Variants in LRMDA observed in about 807,000 individuals in gnomAD.
The protein encoded by LRMDA is leucine-rich melanocyte differentiation-associated protein.
Under a neutral mutation model 29.8 loss-of-function variants are expected in LRMDA, and 18 were observed. The observed-to-expected ratio is 0.60, with a 90% CI of 0.42 to 0.90. LRMDA has a LOEUF of 0.90. Ranked by LOEUF, LRMDA falls within the 40% of genes least tolerant of loss-of-function variation. The pLI, the probability that LRMDA is intolerant of heterozygous loss-of-function variation, is 0.00. For missense variants in LRMDA, 273 were observed against 273.9 expected (o/e 1.00, Z 0.02); for synonymous variants, 125 against 109.4 (o/e 1.14, Z -0.89).
chr10:76,458,281 C>G (rs75595700), intron 6 of LRMDA, among the ~76,000 whole-genome samples: 2,934 of 152,262 alleles, frequency 0.019, 100 homozygotes, highest in African/African-American at 0.065. Context: ...CAATAAATCT[C>G]TGAACCTGAA....
intron 5 of LRMDA, among the ~76,000 whole-genome samples, chr10:76,209,964 G>T (rs1851606524): frequency 1.3e-5 from 2 of 152,142 alleles, no homozygotes; most frequent in African/African-American, 2.4e-5. Flanking sequence ...TGAATGAACT[G>T]GGAAAAGGCA....
intron 5 of LRMDA, among the ~76,000 whole-genome samples, chr10:76,091,295 G>A (rs962133883): frequency 1.1e-4 from 16 of 151,854 alleles, no homozygotes; most frequent in African/African-American, 2.4e-4. Flanking sequence ...GTGTGTGTGT[G>A]TGTGTGTGTG....
chr10:76,050,384 C>T (rs1848510915), intron 4 of LRMDA, among the ~76,000 whole-genome samples: 1 of 152,214 alleles, frequency 6.6e-6, no homozygotes, highest in African/African-American at 2.4e-5. Flanking sequence ...AAAACAGGCT[C>T]ATTAAATTTA....
chr10:76,168,913 G>C (rs991256074), intron 5 of LRMDA, among the ~76,000 whole-genome samples: 1 of 152,164 alleles, frequency 6.6e-6, no homozygotes, highest in African/African-American at 2.4e-5. Context: ...AAGCCAATAA[G>C]TAAGACAGAA....
chr10:75,968,363 G>A (rs1846904096), intron 2 of LRMDA, among the ~76,000 whole-genome samples: 1 of 152,112 alleles, frequency 6.6e-6, no homozygotes, highest in Admixed American at 6.5e-5. Flanking sequence ...TTCCTTGGCC[G>A]GGAGACCAGC....
intron 2 of LRMDA, among the ~76,000 whole-genome samples, chr10:75,923,095 C>T (rs931263806): frequency 6.6e-6 from 1 of 152,200 alleles, no homozygotes; most frequent in African/African-American, 2.4e-5. Flanking sequence ...ACACACTCTG[C>T]CCTTTTCTCC....
chr10:76,118,967 G>T (rs578208732), intron 5 of LRMDA, among the ~76,000 whole-genome samples: 59 of 150,882 alleles, frequency 3.9e-4, no homozygotes, highest in African/African-American at 1.3e-3. Context: ...TTCAAAGGGC[G>T]CAGGCCAATC....
chr10:76,168,070 A>G (rs1408963136), intron 5 of LRMDA, among the ~76,000 whole-genome samples: 1 of 152,048 alleles, frequency 6.6e-6, no homozygotes. Flanking sequence ...CTTGGGACCA[A>G]TTTTAGGAAT....
At chr10:75,967,165 C>T (rs1846877061) in intron 2 of LRMDA, among the ~76,000 whole-genome samples, 1 of 152,182 alleles carries the variant, frequency 6.6e-6, no homozygotes, top group South Asian at 2.1e-4. Flanking sequence ...TCCCTCGTCC[C>T]TCCTTTGTGG....
intron 2 of LRMDA, among the ~76,000 whole-genome samples, chr10:75,808,463 A>G (rs750346522): frequency 3.3e-5 from 5 of 152,244 alleles, no homozygotes; most frequent in Admixed American, 6.5e-5. Flanking sequence ...TTTTCTATAC[A>G]TAGCTAGAAA....
intron 2 of LRMDA, among the ~76,000 whole-genome samples, chr10:75,501,514 G>A (rs1016958997): frequency 2.6e-5 from 4 of 152,182 alleles, no homozygotes; most frequent in African/African-American, 9.7e-5. Context: ...CCTGTTTATA[G>A]ACGTGGAATG....
intron 2 of LRMDA, among the ~76,000 whole-genome samples, chr10:75,604,686 C>A (rs1483591819): frequency 6.6e-6 from 1 of 152,120 alleles, no homozygotes; most frequent in Non-Finnish European, 1.5e-5. Context: ...AATGCCTGCC[C>A]AGGGGTGATA....
chr10:75,605,834 C>T (rs574576290), intron 2 of LRMDA, among the ~76,000 whole-genome samples: 7 of 152,154 alleles, frequency 4.6e-5, no homozygotes, highest in South Asian at 4.2e-4. Flanking sequence ...ACTCTCTTGC[C>T]GTCTCACCTC....
intron 2 of LRMDA, among the ~76,000 whole-genome samples, chr10:75,741,683 T>A (rs1370135754): frequency 2.0e-5 from 3 of 152,192 alleles, no homozygotes; most frequent in Non-Finnish European, 4.4e-5. Context: ...AATCCTTATC[T>A]TCGTTTTGGT....
chr10:76,179,110 C>T (rs1433960362), intron 5 of LRMDA, among the ~76,000 whole-genome samples: 1 of 152,166 alleles, frequency 6.6e-6, no homozygotes, highest in Non-Finnish European at 1.5e-5. Flanking sequence ...ATGTCCCCAC[C>T]CTTTCCATTT....
intron 6 of LRMDA, among the ~76,000 whole-genome samples, chr10:76,406,358 A>G (rs1312741140): frequency 1.3e-5 from 2 of 152,208 alleles, no homozygotes; most frequent in African/African-American, 4.8e-5. Flanking sequence ...AATATCCTAA[A>G]AGGGCTTCTG....
chr10:76,219,270 A>C (rs1851785035), intron 5 of LRMDA, among the ~76,000 whole-genome samples: 1 of 152,154 alleles, frequency 6.6e-6, no homozygotes, highest in Non-Finnish European at 1.5e-5. Flanking sequence ...AACAATATTA[A>C]CTTTAAATGT....
intron 6 of LRMDA, among the ~76,000 whole-genome samples, chr10:76,505,890 G>C (rs1842954587): frequency 6.6e-6 from 1 of 152,142 alleles, no homozygotes; most frequent in Non-Finnish European, 1.5e-5. Context: ...GAGAGGACTG[G>C]TGTTTCTTTA....
chr10:75,725,913 A>G (rs115585296), intron 2 of LRMDA, among the ~76,000 whole-genome samples: 1,735 of 152,304 alleles, frequency 0.011, 41 homozygotes, highest in African/African-American at 0.041. Flanking sequence ...ATCAGTGGTC[A>G]TAAGTTGAAA....
Sources: allele counts gnomAD v4.1 joint callset (sites outside exome capture counted in the v4.1 genomes callset), GRCh38; gene constraint gnomAD v4.1.1; transcripts MANE v1.5; gene names NCBI Gene and HGNC (gene_info 2026-07-23, HGNC 2026-07-21).